Variants in PPP3CA observed in about 807,000 individuals in gnomAD.
PPP3CA encodes protein phosphatase 3 catalytic subunit alpha.
In PPP3CA, 14 loss-of-function variants were observed where a neutral mutation model predicts 66.5. The ratio of observed to expected loss-of-function variants is 0.21; its 90% CI spans 0.14 to 0.33. The LOEUF (loss-of-function observed/expected upper bound fraction) is 0.33, where lower values mean the gene tolerates loss of function less well. Ranked by LOEUF, PPP3CA falls within the 10% of genes least tolerant of loss-of-function variation. The pLI, the probability that PPP3CA is intolerant of heterozygous loss-of-function variation, is 1.00. For missense variants in PPP3CA, 317 were observed against 639.5 expected, an observed-to-expected ratio of 0.50 and a Z score of 5.44; for synonymous variants, 232 against 226.2, an observed-to-expected ratio of 1.03 and a Z score of -0.23.
rs1726767520 is a variant in PPP3CA, at chr4:101,028,384, T to C, written c.1369+782A>G. 1.3e-5 allele frequency among the ~76,000 whole-genome samples: 2 copies of C among 152,344 alleles called. 1 individual carries two copies. The highest frequency in any genetic ancestry group is 6.8e-3 in the Middle Eastern group (2 of 294). On this transcript the variant is annotated intron_variant, in intron 13 of 13. Transcript: ENST00000394854. ...AAAGCAAATACTAAAGGTTCGACTC[T>C]ACTGTCCTTGAGCAGTGCTAGAACA...
chr4:101,143,472 T>C (rs1036161994), intron 2 of PPP3CA, among the ~76,000 whole-genome samples: 1 of 152,208 alleles, frequency 6.6e-6, no homozygotes, highest in Non-Finnish European at 1.5e-5. Context: ...CCTGAGTATC[T>C]TCCTTTTCCT....
intron 1 of PPP3CA, among the ~76,000 whole-genome samples, chr4:101,215,992 A>C (rs1168805365): frequency 6.6e-6 from 1 of 152,146 alleles, no homozygotes; most frequent in Non-Finnish European, 1.5e-5. Flanking sequence ...TCATTACCAA[A>C]TTTGGAACAT....
rs902173120 is a variant in PPP3CA, at chr4:101,255,407, TAC to T, written c.59-59293_59-59292del. On this transcript the variant is annotated intron_variant, in intron 1 of 13. Transcript: ENST00000394854. The stretch of plus-strand genomic sequence containing the variant: ...ACATGCGCTACTTGCAAGTGAAAAT[TAC>T]AGTTTCCCGTTTTCAGTTTTTACAT... Among the ~76,000 whole-genome samples, 14 of 152,066 alleles carry T rather than the reference TAC, an allele frequency of 9.2e-5. No individual in the cohort carries two copies. In the East Asian group the frequency reaches 2.1e-3, roughly 23 times the overall value.
chr4:101,301,217 T>C (rs1232159007), intron 1 of PPP3CA, among the ~76,000 whole-genome samples: 1 of 151,806 alleles, frequency 6.6e-6, no homozygotes, highest in Non-Finnish European at 1.5e-5. Flanking sequence ...CTAGCATTCA[T>C]ATCTTCAAAT....
chr4:101,222,114 AAATCATTGC>A (rs1725644682), intron 1 of PPP3CA, among the ~76,000 whole-genome samples: 2 of 151,820 alleles, frequency 1.3e-5, no homozygotes, highest in South Asian at 4.1e-4. Context: ...AAAATACTTT[AAATCATTGC>A]AATCATTTAT....
chr4:101,032,016 G>A (rs1726988692), intron 12 of PPP3CA, among the ~76,000 whole-genome samples: 1 of 152,176 alleles, frequency 6.6e-6, no homozygotes, highest in Non-Finnish European at 1.5e-5. Context: ...CCTGTAGCTA[G>A]GCTGAATATG....
At chr4:101,063,410 A>G (rs1464375080) in intron 8 of PPP3CA, 53 bp from the exon 9 acceptor site, 2 of 1,569,266 alleles carry the variant, frequency 1.3e-6, no homozygotes, top group Non-Finnish European at 1.7e-6. Flanking sequence ...TTCTGCTTCT[A>G]TGTATGGCTT....
chr4:101,111,672 A>T (rs1357957018), intron 2 of PPP3CA, among the ~76,000 whole-genome samples: 4 of 152,184 alleles, frequency 2.6e-5, no homozygotes, highest in African/African-American at 9.6e-5. Context: ...ATTACTTACT[A>T]TCTGAGTGAA....
intron 13 of PPP3CA, among the ~76,000 whole-genome samples, chr4:101,027,372 G>GTTGT (rs1404111391): frequency 6.6e-6 from 1 of 151,992 alleles, no homozygotes; most frequent in East Asian, 1.9e-4. Flanking sequence ...GATATACACA[G>GTTGT]TTGTTTCAAT....
intron 2 of PPP3CA, among the ~76,000 whole-genome samples, chr4:101,144,514 T>C (rs1222330408): frequency 6.6e-6 from 1 of 152,190 alleles, no homozygotes; most frequent in Non-Finnish European, 1.5e-5. Context: ...TTATCAGAAG[T>C]TACTGCCTTT....
At chr4:101,338,287 T>C (rs1489104564) in intron 1 of PPP3CA, among the ~76,000 whole-genome samples, 1 of 152,200 alleles carries the variant, frequency 6.6e-6, no homozygotes, top group African/African-American at 2.4e-5. Context: ...GTTAATAAAA[T>C]ACAGCACTTC....
rs1448628117 is a variant in PPP3CA, at chr4:101,307,342, T to C, written c.58+39397A>G. 3.9e-5 allele frequency among the ~76,000 whole-genome samples: 6 copies of C among 152,202 alleles called. No homozygotes were observed. The East Asian group carries it at 1.2e-3, about 29-fold the overall frequency. ...AACTGAAACACAGAATGTGTTGAAA[T>C]GAGAATAGCTGCCATATGTCAAGTA... On this transcript the variant is annotated intron_variant, in intron 1 of 13. Coordinates refer to ENST00000394854, the MANE Select transcript of PPP3CA (RefSeq NM_000944.5).
intron 1 of PPP3CA, among the ~76,000 whole-genome samples, chr4:101,326,273 G>A (rs945213841): frequency 1.3e-5 from 2 of 152,158 alleles, no homozygotes; most frequent in African/African-American, 4.8e-5. Flanking sequence ...TAAATGTTCT[G>A]TTTTTCAATT....
chr4:101,243,029 G>A (rs1216160581), intron 1 of PPP3CA, among the ~76,000 whole-genome samples: 2 of 152,174 alleles, frequency 1.3e-5, no homozygotes, highest in South Asian at 4.1e-4. Context: ...GAACAGAAAG[G>A]TTGATGATGA....
chr4:101,268,155 T>TA (rs1727226626), intron 1 of PPP3CA, among the ~76,000 whole-genome samples: 1 of 151,872 alleles, frequency 6.6e-6, no homozygotes, highest in Non-Finnish European at 1.5e-5. Flanking sequence ...CTGGGGAACA[T>TA]AGAGAGATCC....
intron 11 of PPP3CA, among the ~76,000 whole-genome samples, chr4:101,035,221 A>G (rs996807959): frequency 6.6e-6 from 1 of 152,194 alleles, no homozygotes; most frequent in African/African-American, 2.4e-5. Context: ...GTGAGCAGAG[A>G]TCGTGCCACT....
intron 1 of PPP3CA, among the ~76,000 whole-genome samples, chr4:101,326,256 T>A (rs1023762634): frequency 6.6e-6 from 1 of 152,254 alleles, no homozygotes; most frequent in African/African-American, 2.4e-5. Flanking sequence ...TTTTTCAAAA[T>A]AATTTTTAAA....
chr4:101,290,372 C>T (rs1320309176), intron 1 of PPP3CA, among the ~76,000 whole-genome samples: 2 of 152,206 alleles, frequency 1.3e-5, no homozygotes, highest in African/African-American at 4.8e-5. Flanking sequence ...CCACATTAAA[C>T]CACCCTTCAC....
chr4:101,283,494 G>C (rs1201858832), intron 1 of PPP3CA, among the ~76,000 whole-genome samples: 1 of 152,126 alleles, frequency 6.6e-6, no homozygotes, highest in Non-Finnish European at 1.5e-5. Flanking sequence ...AATAAGTCAG[G>C]TGCAATACAA....
Sources: gnomAD v4.1 joint callset for allele counts (sites outside exome capture counted in the v4.1 genomes callset) on GRCh38, gnomAD v4.1.1 for gene constraint, MANE v1.5 for transcripts, NCBI Gene and HGNC (gene_info 2026-07-23, HGNC 2026-07-21) for gene names.